The following RYR2 variants were observed in gnomAD, a reference collection of about 807,000 sequenced individuals.
RYR2 encodes the protein ryanodine receptor 2, also known as cardiac muscle ryanodine receptor-calcium release channel.
In RYR2, 227 loss-of-function variants were observed where a neutral mutation model predicts 601.1. That is an observed-to-expected ratio of 0.38 (90% CI 0.34 to 0.42). The LOEUF (loss-of-function observed/expected upper bound fraction) is 0.42. RYR2 is among the 10% of genes least tolerant of loss of function. RYR2 has a pLI of 1.00. For missense variants in RYR2, 4,646 were observed against 6,156.5 expected (o/e 0.75, Z 8.21); for synonymous variants, 2,223 against 2,175.1 (o/e 1.02, Z -0.61).
rs571634773 is a variant in RYR2 at position 237,647,624 on chromosome 1, G to A, written c.7343-820G>A. On this transcript the variant is annotated intron_variant, in intron 48 of 104. Transcript: ENST00000366574. ...TTATTCAGGATGATTGTGGTCATGTGTCTTCTTTCTCTGAGTTCTTATTTC... is the reference window on the plus strand; with the variant it reads ...TTATTCAGGATGATTGTGGTCATGTATCTTCTTTCTCTGAGTTCTTATTTC... 3.3e-5 allele frequency among the ~76,000 whole-genome samples: 5 copies of A among 152,276 alleles called. No individual in the cohort carries two copies. In the South Asian group the frequency reaches 1.0e-3, roughly 32 times the overall value.
At chr1:237,553,278 G>A (rs1439907292) in intron 27 of RYR2, among the ~76,000 whole-genome samples, 1 of 151,994 alleles carries the variant, frequency 6.6e-6, no homozygotes, top group Non-Finnish European at 1.5e-5. Flanking sequence ...AGGTTCATTT[G>A]TTGCACAGAT....
intron 1 of RYR2, among the ~76,000 whole-genome samples, chr1:237,174,933 TTAAC>T (rs1253876684): frequency 1.3e-5 from 2 of 152,206 alleles, no homozygotes; most frequent in African/African-American, 4.8e-5. Context: ...AAAAACACTG[TTAAC>T]TAAGGTTTTC....
At chr1:237,497,630 C>T (rs895852694) in intron 20 of RYR2, among the ~76,000 whole-genome samples, 4 of 152,088 alleles carry the variant, frequency 2.6e-5, no homozygotes, top group Non-Finnish European at 5.9e-5. Flanking sequence ...CTGAACTTTG[C>T]CTCATGTGGA....
intron 2 of RYR2, among the ~76,000 whole-genome samples, chr1:237,302,690 T>C (rs1481541532): frequency 6.6e-6 from 1 of 152,214 alleles, no homozygotes; most frequent in Admixed American, 6.5e-5. Context: ...CAGACAGACA[T>C]GGAAGCCAGA....
chr1:237,530,526 A>T lies in RYR2; in HGVS notation c.2906+16A>T. 6.5e-7 allele frequency: 1 copy of T among 1,541,402 alleles called. No homozygotes were observed. The highest frequency in any genetic ancestry group is 1.2e-5 in the South Asian group (1 of 85,742). On this transcript the variant is annotated intron_variant, in intron 25 of 104. Transcript: ENST00000366574. ...TACCCAAGAAGTAAGTTGAATGACT[A>T]AGCAATATTAAATAATCTGTGTAGA...
At chr1:237,710,699 G>GTAGATAGATAGATAGATAGA (rs56034841) in intron 70 of RYR2, among the ~76,000 whole-genome samples, 4,323 of 150,604 alleles carry the variant, frequency 0.029, 81 homozygotes, top group African/African-American at 0.058. Context: ...GATTAGGTAT[G>GTAGATAGATAGATAGATAGA]TAGATAGATA....
chr1:237,164,244 G>A (rs924835751), intron 1 of RYR2, among the ~76,000 whole-genome samples: 1 of 152,198 alleles, frequency 6.6e-6, no homozygotes, highest in Admixed American at 6.5e-5. Flanking sequence ...CCGAGATTGC[G>A]CCTGGGCCAC....
chr1:237,467,726 G>C (rs770773573), intron 16 of RYR2, among the ~76,000 whole-genome samples: 1 of 152,254 alleles, frequency 6.6e-6, no homozygotes, highest in Non-Finnish European at 1.5e-5. Context: ...AAACATGAAG[G>C]ACATCTTTAA....
At chr1:237,490,988 C>T (rs569714447) in intron 17 of RYR2, among the ~76,000 whole-genome samples, 1 of 152,050 alleles carries the variant, frequency 6.6e-6, no homozygotes, top group Non-Finnish European at 1.5e-5. Context: ...TGAATGGGAC[C>T]CATTCTCATT....
chr1:237,602,343 GA>G (rs550300432), intron 35 of RYR2, among the ~76,000 whole-genome samples: 80 of 150,302 alleles, frequency 5.3e-4, no homozygotes, highest in African/African-American at 1.6e-3. Context: ...AAGGCCTATA[GA>G]AAAAAAAATG....
rs183633319 is a variant in RYR2 at position 237,232,706 on chromosome 1, G to A, written c.49-37791G>A. ...CAGTGAGAAGTAGGGGGCAGTCTTG[G>A]GAGACTGAGCCCTTAACCGGGGAAT... On this transcript the variant is annotated intron_variant, in intron 1 of 104. Transcript: ENST00000366574. Among the ~76,000 whole-genome samples, 719 of 152,214 alleles carry A rather than the reference G, an allele frequency of 4.7e-3. 9 individuals are homozygous for A. The highest frequency in any genetic ancestry group is 0.017 in the African/African-American group (693 of 41,510).
rs545145906 is a variant in RYR2 at position 237,331,035 on chromosome 1, T to C, written c.273+53T>C. The C allele has an allele frequency of 2.9e-6, 4 of 1,401,508 alleles. No individual in the cohort carries two copies. In the South Asian group the frequency reaches 3.5e-5, roughly 12 times the overall value. The allele number at this position is 1,401,508 out of a possible 1,614,324, so 86.8% of individuals were successfully genotyped here. A position where few individuals can be genotyped will look rare whatever the true frequency, so the allele number is the denominator to read the frequency against. On this transcript the variant is annotated intron_variant, in intron 3 of 104. Transcript: ENST00000366574. ...AGTATTTTAATGAGCTCAGCTACTA[T>C]AGGAACAATTTCTTTCACAGGTGTC...
chr1:237,777,132 G>C (rs1296862811), intron 87 of RYR2, among the ~76,000 whole-genome samples: 2 of 152,206 alleles, frequency 1.3e-5, no homozygotes, highest in East Asian at 1.9e-4. Flanking sequence ...CTTGGTGTAA[G>C]GGGATGCAGA....
chr1:237,224,395 G>T (rs760947253), intron 1 of RYR2, among the ~76,000 whole-genome samples: 3 of 152,196 alleles, frequency 2.0e-5, no homozygotes, highest in Non-Finnish European at 4.4e-5. Context: ...GTTTTGAAAA[G>T]TCAAAAGTTA....
At chr1:237,365,838 C>T (rs1174537782) in intron 5 of RYR2, among the ~76,000 whole-genome samples, 2 of 152,150 alleles carry the variant, frequency 1.3e-5, no homozygotes, top group Non-Finnish European at 2.9e-5. Context: ...AGAACAAATG[C>T]ATATAAAAAC....
chr1:237,717,324 G>C lies in RYR2; in HGVS notation c.10450G>C (p.Gly3484Arg). The C allele has an allele frequency of 6.2e-7, 1 of 1,611,512 alleles. No individual in the cohort carries two copies. Among genetic ancestry groups the C allele is most frequent in the Non-Finnish European group, 8.5e-7 (1 of 1,178,344 alleles). Reference sequence around the variant, plus strand: ...CATTGGGTTGAACATCTGTGCCCCTGGGGACCAGGAGCTCATTGCTCTGGC... The same window carrying C: ...CATTGGGTTGAACATCTGTGCCCCTCGGGACCAGGAGCTCATTGCTCTGGC... ...LPIGLNICAP[G>R]DQELIALAKN... Residue 3484 changes from glycine to arginine, a missense_variant, in exon 72 of 105, where the codon GGG (glycine) becomes CGG (arginine). Around this residue, in one of 17 missense-constraint regions of RYR2, gnomAD observed 1,497 missense variants for 1,842.6 expected, o/e 0.81. Coordinates refer to ENST00000366574, the MANE Select transcript of RYR2 (RefSeq NM_001035.3).
intron 24 of RYR2, among the ~76,000 whole-genome samples, chr1:237,521,788 G>A (rs946798908): frequency 1.3e-5 from 2 of 151,764 alleles, no homozygotes; most frequent in Admixed American, 1.3e-4. Flanking sequence ...TTGCTTTTAA[G>A]TTAAATATGG....
chr1:237,061,135 T>C (rs1216712351), intron 1 of RYR2, among the ~76,000 whole-genome samples: 6 of 152,246 alleles, frequency 3.9e-5, no homozygotes. Flanking sequence ...TTTGTATCTT[T>C]AATGTCCATT....
chr1:237,654,161 T>C, intron 51 of RYR2, 113 bp from the exon 52 acceptor site: 4 of 1,312,490 alleles, frequency 3.0e-6, no homozygotes, highest in South Asian at 1.5e-5. Context: ...ATTGGGCAAT[T>C]TCACTTCAGA....
Sources: allele counts gnomAD v4.1 joint callset (sites outside exome capture counted in the v4.1 genomes callset), GRCh38; gene constraint gnomAD v4.1.1; regional missense constraint gnomAD v4.1.1; transcripts MANE v1.5; gene names NCBI Gene and HGNC (gene_info 2026-07-23, HGNC 2026-07-21).